The following GRM6 variants were observed in gnomAD, a reference collection of about 807,000 sequenced individuals.
The protein encoded by GRM6 is metabotropic glutamate receptor 6.
A neutral mutation model predicts 78.4 loss-of-function variants in GRM6; 73 were observed. That is an observed-to-expected ratio of 0.93 (90% CI 0.77 to 1.13). The LOEUF is 1.13. GRM6 is among the 50% of genes most tolerant of loss of function. The pLI is 0.00. For missense variants in GRM6, 1,251 were observed against 1,256.4 expected, an observed-to-expected ratio of 1.00 and a Z score of 0.07; for synonymous variants, 580 against 555.0, an observed-to-expected ratio of 1.05 and a Z score of -0.63.
rs2856347 is a variant in GRM6, at chr5:178,986,257, G to A, written c.1997C>T (p.Ser666Phe). The change falls in exon 9 of 11, where the codon TCT becomes TTT. Residue 666 changes from serine (S) to phenylalanine (F), a missense_variant. Coordinates refer to ENST00000517717, the MANE Select transcript of GRM6 (RefSeq NM_000843.4). The part of the protein sequence containing the change: ...FLGLGTTLSY[S>F]ALLTKTNRIY... The stretch of plus-strand genomic sequence containing the variant: ...ACGGTTGGTCTTGGTGAGCAGGGCA[G>A]AGTAGCTGAGGGTCGTGCCCAGGCC... 6.2e-7 allele frequency: 1 copy of A among 1,614,066 alleles called. No individual in the cohort carries two copies. Among genetic ancestry groups the A allele is most frequent in the Non-Finnish European group, 8.5e-7 (1 of 1,180,028 alleles).
At chr5:178,994,342 A>G in intron 2 of GRM6, 99 bp downstream of exon 2, 1 of 1,051,194 alleles carries the variant, frequency 9.5e-7, no homozygotes, top group Non-Finnish European at 1.3e-6. Context: ...ATTAAAACGG[A>G]GACTCTTTCA....
At position 178,994,534 on chromosome 5, in the gene GRM6, C is replaced by A; in HGVS notation, c.411G>T (p.Leu137=). The A allele has an allele frequency of 7.3e-7, 1 of 1,379,002 alleles. No individual in the cohort carries two copies. 85.4% of individuals were successfully genotyped at this position (1,379,002 alleles called of 1,614,324 possible). A position where few individuals can be genotyped will look rare whatever the true frequency, so the allele number is the denominator to read the frequency against. Residue 137 remains leucine (L), a synonymous_variant, in exon 2 of 11, where the codon CTG becomes CTT. Coordinates refer to ENST00000517717, the MANE Select transcript of GRM6 (RefSeq NM_000843.4). ...GVRCPGGVPP[L]RPAPPERVVA... ...CGACGCGCTCGGGGGGCGCGGGGCGCAGCGGAGGGACGCCTCCCGGGCAGC... is the reference window on the plus strand; with the variant it reads ...CGACGCGCTCGGGGGGCGCGGGGCGAAGCGGAGGGACGCCTCCCGGGCAGC...
Position 178,978,845 on chromosome 5 carries a change from CA to C in GRM6, c.*2811del, listed in dbSNP as rs1760335709. 6.6e-6 allele frequency: 1 copy of C among 152,184 alleles called. No individual in the cohort carries two copies. Among genetic ancestry groups the C allele is most frequent in the African/African-American group, 2.4e-5 (1 of 41,452 alleles). 9.4% of individuals were successfully genotyped at this position (152,184 alleles called of 1,614,324 possible). On this transcript the variant is annotated 3_prime_UTR_variant, in exon 11 of 11. Coordinates refer to ENST00000517717, the MANE Select transcript of GRM6 (RefSeq NM_000843.4). ...AATTCCACACATAGAAGAAAACCCA[CA>C]AAACTTTATTCAGGGGTCCAAATAA...
Position 178,991,472 on chromosome 5 carries a change from G to C in GRM6, c.809C>G (p.Thr270Arg). ...GATGATGATGCCCCGGGCGTTGGGCGTCTCCATGAGTCTCCTGATCACCTT... is the reference window on the plus strand; with the variant it reads ...GATGATGATGCCCCGGGCGTTGGGCCTCTCCATGAGTCTCCTGATCACCTT... ...FSKVIRRLME[T>R]PNARGIIIFA... The change falls in exon 4 of 11, where the codon ACG becomes AGG. Residue 270 changes from threonine to arginine, a missense_variant. Thr to Arg is a moderately conservative substitution (Grantham distance 71). Transcript: ENST00000517717. This position sits in a 1 kb window ranked among gnomAD's most constrained non-coding sequence, Gnocchi z 5.0. 1 of 1,613,220 alleles carries C rather than the reference G, an allele frequency of 6.2e-7. No individual in the cohort carries two copies. Among genetic ancestry groups the C allele is most frequent in the Non-Finnish European group, 8.5e-7 (1 of 1,179,402 alleles).
intron 7 of GRM6, 90 bp from the exon 8 acceptor site, chr5:178,987,073 G>T (rs779606867): frequency 3.8e-4 from 518 of 1,352,574 alleles, no homozygotes; most frequent in Non-Finnish European, 4.9e-4. Flanking sequence ...GGAGAAAGGA[G>T]GAGCTTAACA....
intron 10 of GRM6, among the ~76,000 whole-genome samples, chr5:178,982,247 C>T (rs1002600008): frequency 2.0e-5 from 3 of 152,182 alleles, no homozygotes; most frequent in Non-Finnish European, 2.9e-5. Context: ...ATAAATGATG[C>T]AGCAATGGGC....
chr5:178,994,980 CG>C lies in GRM6; in HGVS notation c.-16-21del. 1.8e-6 allele frequency: 2 copies of C among 1,124,896 alleles called. No homozygotes were observed. The highest frequency in any genetic ancestry group is 4.9e-5 in the Admixed American group (1 of 20,302). 69.7% of individuals were successfully genotyped at this position (1,124,896 alleles called of 1,614,324 possible). On this transcript the variant is annotated intron_variant, in intron 1 of 10. Coordinates refer to ENST00000517717, the MANE Select transcript of GRM6 (RefSeq NM_000843.4). ...AGCGGGCTGCGGGGAGACAGAGGGG[CG>C]GGGAGCGCTCTGAGGGCGGGGGAAG...
At position 178,986,678 on chromosome 5, in the gene GRM6, C is replaced by T. The variant is rs767670928; in HGVS notation, c.1576G>A (p.Glu526Lys). 7 of 1,603,404 alleles carry T rather than the reference C, an allele frequency of 4.4e-6. No individual in the cohort carries two copies. Among genetic ancestry groups the T allele is most frequent in the South Asian group, 2.2e-5 (2 of 91,086 alleles). ...ACGCCCTTCACCATCTTCTTCCGCT[C>T]CCCCGGCCCGCAGGGCAGGCTGCAC... ...SLCSLPCGPGERKKMVKGVPC... is the reference protein window; with the variant it reads ...SLCSLPCGPGKRKKMVKGVPC... The change falls in exon 9 of 11, where the codon GAG becomes AAG. Residue 526 changes from glutamate to lysine, a missense_variant. Glu to Lys is a moderately conservative substitution (Grantham distance 56). Transcript: ENST00000517717.
In GRM6 at chr5:178,992,278, G is replaced by GGACAAGGTCT. The variant is rs11283410; in HGVS notation, c.505-196_505-195insAGACCTTGTC. The GGACAAGGTCT allele has an allele frequency of 3.0e-5, 21 of 695,098 alleles. No homozygotes were observed. The highest frequency in any genetic ancestry group is 5.0e-5 in the Non-Finnish European group (19 of 380,420). The allele number at this position is 695,098 out of a possible 1,614,324, so 43.1% of individuals were successfully genotyped here. A position where few individuals can be genotyped will look rare whatever the true frequency, so the allele number is the denominator to read the frequency against. ...GCCACCTGGAAAGGCTGGAAGCTGT[G>GGACAAGGTCT]GTGTTTTGCGAGTGGGCCTGAGAAT... On this transcript the variant is annotated intron_variant, in intron 2 of 10. Coordinates refer to ENST00000517717, the MANE Select transcript of GRM6 (RefSeq NM_000843.4). This position sits in a 1 kb window ranked among gnomAD's most constrained non-coding sequence, Gnocchi z 4.9.
rs772841452 is a variant in GRM6, at chr5:178,988,927, C to T, written c.1354+8G>A. On this transcript the variant is annotated splice_region_variant and intron_variant, in intron 7 of 10. Coordinates refer to ENST00000517717, the MANE Select transcript of GRM6 (RefSeq NM_000843.4). This position sits in a 1 kb window ranked among gnomAD's most constrained non-coding sequence, Gnocchi z 6.0. ...TTCACTGCTGCAGGGGGGCAGGCAC[C>T]CACTCACCATTGAAGCGGACAGCTC... The T allele has an allele frequency of 5.0e-6, 8 of 1,609,066 alleles. No homozygotes were observed. Among genetic ancestry groups the T allele is most frequent in the Non-Finnish European group, 5.9e-6 (7 of 1,177,040 alleles).
Position 178,988,997 on chromosome 5 carries a change from G to A in GRM6, c.1292C>T (p.Pro431Leu), listed in dbSNP as rs148831419. ...ALCPGHTGLC[P>L]AMEPTDGRML... Reference sequence around the variant, plus strand: ...CCGCCCATCAGTGGGTTCCATCGCCGGGCACAGGCCTGTGTGCCCAGGGCA... The same window carrying A: ...CCGCCCATCAGTGGGTTCCATCGCCAGGCACAGGCCTGTGTGCCCAGGGCA... Residue 431 changes from proline (P) to leucine (L), a missense_variant, in exon 7 of 11, where the codon CCG (proline) becomes CTG (leucine). Coordinates refer to ENST00000517717, the MANE Select transcript of GRM6 (RefSeq NM_000843.4). The surrounding 1 kb of genome is among the most constrained non-coding windows in gnomAD (Gnocchi z 6.0). 722 of 1,614,008 alleles carry A rather than the reference G, an allele frequency of 4.5e-4. No homozygotes were observed. The highest frequency in any genetic ancestry group is 5.6e-4 in the Non-Finnish European group (662 of 1,179,976).
intron 7 of GRM6, chr5:178,987,266 C>G (rs1220490849): frequency 1.7e-6 from 1 of 595,262 alleles, no homozygotes; most frequent in Non-Finnish European, 3.2e-6. Context: ...AGTGTGGAGC[C>G]TCCTCAAAAG....
In GRM6 at chr5:178,981,846, GA is replaced by G; in HGVS notation, c.2444del (p.Ile815ThrfsTer6). ...GTAQSAEKIY[I>X]QTTTLTVSLS... ...AGGACACGGTTAGCGTGGTTGTCTG[GA>G]TGTAGATCTAGGCCATGGAAGAGGG... On this transcript the variant is annotated frameshift_variant, in exon 11 of 11. Coordinates refer to ENST00000517717, the MANE Select transcript of GRM6 (RefSeq NM_000843.4). LOFTEE classifies it high-confidence loss of function. The surrounding 1 kb of genome is among the most constrained non-coding windows in gnomAD (Gnocchi z 5.1). The G allele has an allele frequency of 6.2e-7, 1 of 1,608,822 alleles. No homozygotes were observed. The highest frequency in any genetic ancestry group is 8.5e-7 in the Non-Finnish European group (1 of 1,175,268).
rs745799458 is a variant in GRM6, at chr5:178,992,021, G to A, written c.567C>T (p.Phe189=). ...AGTCGGGTGGCACCACCCGGGAGAA[G>A]AAGTCATAGCGTGTGGAGTCGCTGA... The part of the protein sequence containing the change: ...PELSDSTRYD[F]FSRVVPPDSY... Residue 189 remains phenylalanine, a synonymous_variant, in exon 3 of 11, where the codon TTC becomes TTT. Transcript: ENST00000517717. The surrounding 1 kb of genome is among the most constrained non-coding windows in gnomAD (Gnocchi z 4.9). 1.2e-6 allele frequency: 2 copies of A among 1,614,028 alleles called. No individual in the cohort carries two copies. The highest frequency in any genetic ancestry group is 1.3e-5 in the African/African-American group (1 of 74,942).
intron 9 of GRM6, chr5:178,983,616 G>A (rs116423060): frequency 0.034 from 13,052 of 387,442 alleles, 351 homozygotes; most frequent in South Asian, 0.079. Context: ...GGCCCTACTC[G>A]CATCGCCTCT....
Position 178,990,634 on chromosome 5 carries a change from C to A in GRM6, c.970G>T (p.Val324Phe). The A allele has an allele frequency of 6.2e-7, 1 of 1,612,628 alleles. No homozygotes were observed. The highest frequency in any genetic ancestry group is 8.5e-7 in the Non-Finnish European group (1 of 1,179,606). ...TTGGGCAGGATGGTGATGGCCCCAA[C>A]GGCCACGTCCTCCAGGCTCAAGATG... is the stretch of plus-strand genomic sequence containing the variant. ...SPILSLEDVA[V>F]GAITILPKRA... The change falls in exon 5 of 11, where the codon GTT (valine) becomes TTT (phenylalanine). Residue 324 changes from valine (V) to phenylalanine (F), a missense_variant. Physicochemically the swap from Val to Phe is conservative, Grantham distance 50. Transcript: ENST00000517717.
Position 178,989,305 on chromosome 5 carries a change from G to A in GRM6, c.1113C>T (p.Ser371=), listed in dbSNP as rs112012253. 6.2e-7 allele frequency: 1 copy of A among 1,612,866 alleles called. No individual in the cohort carries two copies. ...WEENFNCKLT[S]SGTQSDDSTR... is the part of the protein sequence containing the mutation. ...TGGAATCGTCTGACTGGGTACCTGA[G>A]CTGGTCAGTTTGCAGTTAAAATTCT... The change falls in exon 6 of 11, where the codon AGC becomes AGT. Residue 371 remains serine (S), a synonymous_variant. Coordinates refer to ENST00000517717, the MANE Select transcript of GRM6 (RefSeq NM_000843.4).
Position 178,986,285 on chromosome 5 carries a change from G to T in GRM6, c.1969C>A (p.Leu657Met). ...TAGCTGAGGGTCGTGCCCAGGCCCA[G>T]GAAGAGCCTGCGGGCGGCACAGACC... Reference protein sequence around the residue: ...AAVCAARRLFLGLGTTLSYSA... With the variant: ...AAVCAARRLFMGLGTTLSYSA... Residue 657 changes from leucine (L) to methionine (M), a missense_variant, in exon 9 of 11, where the codon CTG (leucine) becomes ATG (methionine). Transcript: ENST00000517717. 1 of 1,614,114 alleles carries T rather than the reference G, an allele frequency of 6.2e-7. No individual in the cohort carries two copies. Among genetic ancestry groups the T allele is most frequent in the South Asian group, 1.1e-5 (1 of 91,084 alleles).
At position 178,986,276 on chromosome 5, in the gene GRM6, C is replaced by T. The variant is rs1426364394; in HGVS notation, c.1978G>A (p.Gly660Ser). The T allele has an allele frequency of 1.9e-6, 3 of 1,613,978 alleles. No individual in the cohort carries two copies. Among genetic ancestry groups the T allele is most frequent in the Non-Finnish European group, 2.5e-6 (3 of 1,180,016 alleles). ...AGGGCAGAGTAGCTGAGGGTCGTGC[C>T]CAGGCCCAGGAAGAGCCTGCGGGCG... ...CAARRLFLGL[G>S]TTLSYSALLT... The change falls in exon 9 of 11, where the codon GGC becomes AGC. Residue 660 changes from glycine (G) to serine (S), a missense_variant. Coordinates refer to ENST00000517717, the MANE Select transcript of GRM6 (RefSeq NM_000843.4).
Sources: allele counts gnomAD v4.1 joint callset (sites outside exome capture counted in the v4.1 genomes callset), GRCh38; gene constraint gnomAD v4.1.1; non-coding constraint Gnocchi (gnomAD v3.1); transcripts MANE v1.5; gene names NCBI Gene and HGNC (gene_info 2026-07-23, HGNC 2026-07-21).